The following PTPN2 variants were observed in gnomAD, a reference collection of about 807,000 sequenced individuals.
PTPN2 encodes tyrosine-protein phosphatase non-receptor type 2.
PTPN2 carries 19 observed loss-of-function variants against 57.3 expected under a neutral mutation model. The observed-to-expected ratio is 0.33, with a 90% CI of 0.23 to 0.49. The LOEUF (loss-of-function observed/expected upper bound fraction) is 0.49, where lower values mean the gene tolerates loss of function less well. Among genes scored for constraint, PTPN2 ranks in the 20% least tolerant of loss-of-function variants. The pLI is 0.99. For missense variants in PTPN2, 358 were observed against 501.1 expected (o/e 0.71, Z 2.73); for synonymous variants, 153 against 164.9 (o/e 0.93, Z 0.55).
intron 5 of PTPN2, among the ~76,000 whole-genome samples, chr18:12,822,714 C>T (rs745708441): frequency 1.3e-5 from 2 of 152,178 alleles, no homozygotes; most frequent in Admixed American, 6.5e-5. Context: ...TTGAGATTGG[C>T]TATCAGCCCC....
intron 4 of PTPN2, among the ~76,000 whole-genome samples, chr18:12,830,674 C>T (rs2042637619): frequency 6.6e-6 from 1 of 151,960 alleles, no homozygotes; most frequent in Non-Finnish European, 1.5e-5. Flanking sequence ...ATAAGGATTC[C>T]TAGGGATTCC....
chr18:12,801,202 C>T (rs2041408384), intron 8 of PTPN2, among the ~76,000 whole-genome samples: 1 of 152,198 alleles, frequency 6.6e-6, no homozygotes, highest in Non-Finnish European at 1.5e-5. Flanking sequence ...TAAATACCCT[C>T]AGGTAAGAAA....
At chr18:12,871,999 G>A (rs764965942) in intron 1 of PTPN2, among the ~76,000 whole-genome samples, 2 of 151,180 alleles carry the variant, frequency 1.3e-5, no homozygotes, top group Non-Finnish European at 1.5e-5. Context: ...AGTAAGCCGA[G>A]ATCGTGCCGT....
chr18:12,854,755 GA>G (rs1361815984), intron 2 of PTPN2, among the ~76,000 whole-genome samples: 2 of 152,164 alleles, frequency 1.3e-5, no homozygotes, highest in African/African-American at 4.8e-5. Flanking sequence ...GAAGGAGAGA[GA>G]AACAGACTCC....
At chr18:12,882,813 A>G (rs1451701831) in intron 1 of PTPN2, among the ~76,000 whole-genome samples, 2 of 152,218 alleles carry the variant, frequency 1.3e-5, no homozygotes, top group African/African-American at 4.8e-5. Context: ...AATTAAATGG[A>G]AAGGGGAAAA....
At chr18:12,801,859 T>C in intron 8 of PTPN2, 111 bp downstream of exon 8, 1 of 1,052,488 alleles carries the variant, frequency 9.5e-7, no homozygotes, top group Non-Finnish European at 1.4e-6. Flanking sequence ...GTGATTGTAT[T>C]TTCCTAATAT....
chr18:12,808,251 AATACTTATAT>A (rs1287566155), intron 7 of PTPN2, among the ~76,000 whole-genome samples: 2 of 152,220 alleles, frequency 1.3e-5, no homozygotes, highest in South Asian at 2.1e-4. Context: ...GCTATTTCGA[AATACTTATAT>A]ATACTTATAT....
chr18:12,789,067 T>C (rs2040916170), downstream of PTPN2, among the ~76,000 whole-genome samples: 1 of 152,198 alleles, frequency 6.6e-6, no homozygotes, highest in Admixed American at 6.5e-5. Flanking sequence ...ACTGGAGAGC[T>C]CTTGGTAGAG....
intron 1 of PTPN2, among the ~76,000 whole-genome samples, chr18:12,867,069 G>A (rs1232297961): frequency 6.6e-6 from 1 of 150,736 alleles, no homozygotes; most frequent in African/African-American, 2.4e-5. Context: ...AAGGCAGGAG[G>A]ATCATTTGAG....
intron 4 of PTPN2, among the ~76,000 whole-genome samples, chr18:12,828,095 TG>T (rs1226970544): frequency 2.0e-5 from 3 of 152,094 alleles, no homozygotes; most frequent in Non-Finnish European, 4.4e-5. Context: ...TAGACTTTGG[TG>T]GAATACCAGA....
intron 4 of PTPN2, among the ~76,000 whole-genome samples, chr18:12,828,227 C>T (rs2042546339): frequency 6.6e-6 from 1 of 152,142 alleles, no homozygotes; most frequent in Admixed American, 6.5e-5. Flanking sequence ...GTAAAAAAAT[C>T]AGACTATAAT....
At chr18:12,831,969 T>C (rs77280390) in intron 3 of PTPN2, among the ~76,000 whole-genome samples, 5 of 152,324 alleles carry the variant, frequency 3.3e-5, no homozygotes, top group Non-Finnish European at 5.9e-5. Flanking sequence ...GATGTAGTTT[T>C]GCTACACCTA....
chr18:12,840,049 T>C (rs1434472162), intron 2 of PTPN2, among the ~76,000 whole-genome samples: 2 of 152,234 alleles, frequency 1.3e-5, no homozygotes, highest in African/African-American at 4.8e-5. Context: ...TTTGTATTCA[T>C]TGTAACTGGT....
chr18:12,829,058 C>G (rs529915410), intron 4 of PTPN2, among the ~76,000 whole-genome samples: 2 of 152,282 alleles, frequency 1.3e-5, no homozygotes, highest in South Asian at 4.1e-4. Context: ...CCACCACACC[C>G]AGCTAATTTT....
At chr18:12,871,997 G>A (rs971843786) in intron 1 of PTPN2, among the ~76,000 whole-genome samples, 4 of 151,304 alleles carry the variant, frequency 2.6e-5, no homozygotes, top group Non-Finnish European at 5.9e-5. Context: ...GCAGTAAGCC[G>A]AGATCGTGCC....
Position 12,830,943 on chromosome 18 carries a change from C to G in PTPN2, c.360G>C (p.Ser120=). ...VMLNRIVEKE[S]VKCAQYWPTD... is the part of the protein sequence containing the mutation. ...GTTGTAAATATTAAATATTACTCAC[C>G]GATTCTTTCTCCACAATGCGGTTCA... Residue 120 remains serine (S), a splice_region_variant and synonymous_variant, in exon 4 of 9, where the codon TCG becomes TCC. Coordinates refer to ENST00000309660, the MANE Select transcript of PTPN2 (RefSeq NM_002828.4). The G allele has an allele frequency of 6.3e-7, 1 of 1,577,226 alleles. No homozygotes were observed. Among genetic ancestry groups the G allele is most frequent in the African/African-American group, 1.3e-5 (1 of 74,178 alleles).
chr18:12,813,951 G>T (rs2041979584), intron 7 of PTPN2, among the ~76,000 whole-genome samples: 1 of 152,130 alleles, frequency 6.6e-6, no homozygotes, highest in Non-Finnish European at 1.5e-5. Flanking sequence ...CCCCCAAAAT[G>T]AAAAATTCAG....
In PTPN2 at chr18:12,825,902, G is replaced by T. The variant is rs750105074; in HGVS notation, c.403C>A (p.Leu135Met). 2.8e-5 allele frequency: 45 copies of T among 1,610,860 alleles called. 2 individuals carry two copies. In the South Asian group the frequency reaches 4.7e-4, roughly 17 times the overall value. Residue 135 changes from leucine (L) to methionine (M), a missense_variant, in exon 5 of 9, where the codon CTG becomes ATG. By Grantham distance (15) the Leu-to-Met change is conservative. Transcript: ENST00000309660. ...QYWPTDDQEM[L>M]FKETGFSVKL... is the part of the protein sequence containing the mutation. The stretch of plus-strand genomic sequence containing the variant: ...ACACTGAATCCTGTTTCTTTAAACA[G>T]CATCTCTTGGTCATCTGTTGGCCAG...
At chr18:12,797,580 T>C (rs1418695176) in intron 8 of PTPN2, among the ~76,000 whole-genome samples, 1 of 152,184 alleles carries the variant, frequency 6.6e-6, no homozygotes, top group Non-Finnish European at 1.5e-5. Flanking sequence ...GGCATGCCTG[T>C]ATCTAATTTA....
Sources: gnomAD v4.1 joint callset for allele counts (sites outside exome capture counted in the v4.1 genomes callset) on GRCh38, gnomAD v4.1.1 for gene constraint, MANE v1.5 for transcripts, NCBI Gene and HGNC (gene_info 2026-07-23, HGNC 2026-07-21) for gene names.